PTPRD: variants seen among roughly 807,000 people sequenced by gnomAD.
The protein encoded by PTPRD is protein tyrosine phosphatase receptor type D.
Under a neutral mutation model 214.5 loss-of-function variants are expected in PTPRD, and 34 were observed. That is an observed-to-expected ratio of 0.16 (90% CI 0.12 to 0.21). PTPRD has a LOEUF of 0.21. Among genes scored for constraint, PTPRD ranks in the 10% least tolerant of loss-of-function variants. The pLI is 1.00. For missense variants in PTPRD, 2,545 were observed against 2,398.7 expected (o/e 1.06, Z -1.27); for synonymous variants, 1,128 against 845.7 (o/e 1.33, Z -5.79).
chr9:9,175,414 A>T (rs1003787100), intron 10 of PTPRD, among the ~76,000 whole-genome samples: 5 of 151,992 alleles, frequency 3.3e-5, no homozygotes, highest in Non-Finnish European at 5.9e-5. Flanking sequence ...CGAGGTCAGG[A>T]GTTCGAGACC....
At chr9:10,116,510 T>A (rs986833576) in intron 3 of PTPRD, among the ~76,000 whole-genome samples, 3 of 152,138 alleles carry the variant, frequency 2.0e-5, no homozygotes, top group Admixed American at 1.3e-4. Flanking sequence ...AATTATAGCA[T>A]TGAATACACA....
intron 12 of PTPRD, among the ~76,000 whole-genome samples, chr9:8,662,174 A>G (rs544157709): frequency 1.3e-5 from 2 of 152,312 alleles, no homozygotes; most frequent in East Asian, 3.9e-4. Flanking sequence ...GTGAGAGACA[A>G]CCAAGTCACA....
chr9:9,502,343 C>T (rs2096445687), intron 8 of PTPRD, among the ~76,000 whole-genome samples: 1 of 151,744 alleles, frequency 6.6e-6, no homozygotes, highest in South Asian at 2.1e-4. Flanking sequence ...GTTTTAGATT[C>T]TTCATATAAG....
chr9:8,881,620 A>T (rs1010118354), intron 11 of PTPRD, among the ~76,000 whole-genome samples: 1 of 152,202 alleles, frequency 6.6e-6, no homozygotes, highest in Non-Finnish European at 1.5e-5. Context: ...TGTTTTTCTA[A>T]AAGTGTGGAA....
chr9:9,029,753 AAG>A (rs549764602), intron 10 of PTPRD, among the ~76,000 whole-genome samples: 38 of 152,044 alleles, frequency 2.5e-4, no homozygotes, highest in African/African-American at 8.9e-4. Context: ...CAGTGGAATG[AAG>A]AGTGTAAGGA....
intron 11 of PTPRD, among the ~76,000 whole-genome samples, chr9:8,739,979 C>A (rs899698181): frequency 1.5e-4 from 23 of 152,270 alleles, no homozygotes; most frequent in Admixed American, 1.4e-3. Context: ...AACTGTAAGT[C>A]CATTAAACCT....
intron 26 of PTPRD, among the ~76,000 whole-genome samples, chr9:8,494,747 G>A (rs1200097228): frequency 6.6e-6 from 1 of 152,190 alleles, no homozygotes; most frequent in African/African-American, 2.4e-5. Context: ...AACGCAATTT[G>A]AAATGCGTCA....
At chr9:8,538,903 G>A (rs1281935436) in intron 14 of PTPRD, among the ~76,000 whole-genome samples, 2 of 151,722 alleles carry the variant, frequency 1.3e-5, no homozygotes, top group African/African-American at 4.8e-5. Flanking sequence ...ACTCCTTAGA[G>A]AAATCACTGA....
intron 39 of PTPRD, among the ~76,000 whole-genome samples, chr9:8,364,211 T>C (rs531406235): frequency 9.2e-5 from 14 of 152,328 alleles, no homozygotes; most frequent in East Asian, 7.7e-4. Flanking sequence ...ATGGCTGTAA[T>C]TGTAACACAT....
At chr9:10,246,546 A>T (rs745864581) in intron 3 of PTPRD, among the ~76,000 whole-genome samples, 1 of 152,174 alleles carries the variant, frequency 6.6e-6, no homozygotes, top group Non-Finnish European at 1.5e-5. Flanking sequence ...CCTGGCCAAG[A>T]TACATGTTTT....
chr9:10,408,103 C>T (rs1165688109), intron 2 of PTPRD, among the ~76,000 whole-genome samples: 1 of 151,610 alleles, frequency 6.6e-6, no homozygotes, highest in Non-Finnish European at 1.5e-5. Flanking sequence ...CATTTCCCTG[C>T]CTTGTTATCT....
rs1234831350 is a variant in PTPRD, at chr9:8,500,610, C to G, written c.2128+144G>C. On this transcript the variant is annotated intron_variant, in intron 24 of 45. Transcript: ENST00000381196. ...AAAAAAGGCCAGGCTGTAGCAAAGA[C>G]AAGTCTTTGGCAAAAATACTAAAGT... 3 of 103,980 alleles carry G rather than the reference C, an allele frequency of 2.9e-5. No individual in the cohort carries two copies. In the East Asian group the frequency reaches 7.7e-4, roughly 27 times the overall value. 6.4% of individuals were successfully genotyped at this position (103,980 alleles called of 1,614,324 possible). A position where few individuals can be genotyped will look rare whatever the true frequency, so the allele number is the denominator to read the frequency against.
At chr9:9,414,366 G>A (rs907914017) in intron 8 of PTPRD, among the ~76,000 whole-genome samples, 1 of 152,168 alleles carries the variant, frequency 6.6e-6, no homozygotes, top group Non-Finnish European at 1.5e-5. Context: ...TGGCAAGGAT[G>A]GAGAATTAAG....
At chr9:8,666,434 A>C (rs2097172058) in intron 12 of PTPRD, among the ~76,000 whole-genome samples, 1 of 152,222 alleles carries the variant, frequency 6.6e-6, no homozygotes, top group African/African-American at 2.4e-5. Context: ...AAAAAAAGAG[A>C]AGATAGTTTA....
intron 10 of PTPRD, among the ~76,000 whole-genome samples, chr9:9,103,817 CA>C (rs994719151): frequency 6.6e-6 from 1 of 151,888 alleles, no homozygotes; most frequent in Non-Finnish European, 1.5e-5. Flanking sequence ...CCTGTCTCTA[CA>C]AAAAATACAA....
At chr9:9,309,846 T>C (rs1958354317) in intron 9 of PTPRD, among the ~76,000 whole-genome samples, 1 of 152,214 alleles carries the variant, frequency 6.6e-6, no homozygotes, top group African/African-American at 2.4e-5. Context: ...CTTGGAATAG[T>C]GGCTCTATTC....
At chr9:9,240,346 G>A (rs2099969743) in intron 9 of PTPRD, among the ~76,000 whole-genome samples, 1 of 152,080 alleles carries the variant, frequency 6.6e-6, no homozygotes, top group Non-Finnish European at 1.5e-5. Context: ...GTATACAGAA[G>A]GTAAATATAT....
chr9:10,036,283 A>T (rs1234542117), intron 3 of PTPRD, among the ~76,000 whole-genome samples: 5 of 152,118 alleles, frequency 3.3e-5, no homozygotes, highest in African/African-American at 1.2e-4. Flanking sequence ...CAAATGGTAG[A>T]TTGTTGACAG....
rs2099787240 is a variant in PTPRD at position 9,098,762 on chromosome 9, G to T, written c.-142-80027C>A. Among the ~76,000 whole-genome samples, 3 of 152,218 alleles carry T rather than the reference G, an allele frequency of 2.0e-5. No individual in the cohort carries two copies. In the South Asian group the frequency reaches 6.2e-4, roughly 32 times the overall value. ...ATACAACATTTTGGGGAAAAATTAG[G>T]TATATTTTGTAAAATTCATCATTTG... On this transcript the variant is annotated intron_variant, in intron 10 of 45. Coordinates refer to ENST00000381196, the MANE Select transcript of PTPRD (RefSeq NM_002839.4).
Sources: allele counts gnomAD v4.1 joint callset (sites outside exome capture counted in the v4.1 genomes callset), GRCh38; gene constraint gnomAD v4.1.1; transcripts MANE v1.5; gene names NCBI Gene and HGNC (gene_info 2026-07-23, HGNC 2026-07-21).